MYO5C: variants seen among roughly 807,000 people sequenced by gnomAD.
MYO5C encodes unconventional myosin-Vc.
In MYO5C, 194 loss-of-function variants were observed where a neutral mutation model predicts 235.7. The ratio of observed to expected loss-of-function variants is 0.82; its 90% CI spans 0.73 to 0.93. MYO5C has a LOEUF of 0.93. Among genes scored for constraint, MYO5C ranks in the 40% least tolerant of loss-of-function variants. The probability of loss-of-function intolerance (pLI) is 0.00; values close to 1 mark genes in which losing one functional copy is unlikely to be tolerated. For synonymous variants in MYO5C, 707 were observed against 754.8 expected, an observed-to-expected ratio of 0.94 and a Z score of 1.04; for missense variants, 2,038 against 2,127.2, an observed-to-expected ratio of 0.96 and a Z score of 0.82.
At chr15:52,229,534 G>GAATC (rs1417918745) in intron 24 of MYO5C, among the ~76,000 whole-genome samples, 2 of 152,172 alleles carry the variant, frequency 1.3e-5, no homozygotes, top group Non-Finnish European at 2.9e-5. Flanking sequence ...TGAGGTGGAT[G>GAATC]AATCGCTTGA....
rs572276955 is a variant in MYO5C, at chr15:52,274,284, T to A, written c.606+1278A>T. ...CATTTAACTTGGCACTGGCTCTTGA[T>A]AACTTTTATTTTGAGATGGGGTCCT... On this transcript the variant is annotated intron_variant, in intron 5 of 40. Coordinates refer to ENST00000261839, the MANE Select transcript of MYO5C (RefSeq NM_018728.4). 4.6e-5 allele frequency among the ~76,000 whole-genome samples: 7 copies of A among 152,294 alleles called. No individual in the cohort carries two copies. The South Asian group carries it at 1.5e-3, about 32-fold the overall frequency.
chr15:52,274,451 G>GT (rs2036993467), intron 5 of MYO5C, among the ~76,000 whole-genome samples: 1 of 152,006 alleles, frequency 6.6e-6, no homozygotes, highest in African/African-American at 2.4e-5. Context: ...CTAATTTTTT[G>GT]TATTTTTGGT....
chr15:52,232,925 A>G (rs2035998469), intron 23 of MYO5C, among the ~76,000 whole-genome samples: 1 of 152,188 alleles, frequency 6.6e-6, no homozygotes, highest in Admixed American at 6.5e-5. Flanking sequence ...CATTTATAGT[A>G]CTTTTGTTGG....
At chr15:52,212,097 G>A (rs867352959) in intron 34 of MYO5C, among the ~76,000 whole-genome samples, 3 of 152,144 alleles carry the variant, frequency 2.0e-5, no homozygotes, top group Admixed American at 1.3e-4. Flanking sequence ...GTTTACAAAG[G>A]ACTTTCTCTT....
At position 52,239,840 on chromosome 15, in the gene MYO5C, C is replaced by A. The variant is rs752050590; in HGVS notation, c.2596G>T (p.Ala866Ser). ...CTGCGTCTGGCCAGCCACGCCCGTGCGTATTTCTGTAGGATCACAGCCTTA... is the reference window on the plus strand; with the variant it reads ...CTGCGTCTGGCCAGCCACGCCCGTGAGTATTTCTGTAGGATCACAGCCTTA... ...EHKAVILQKY[A>S]RAWLARRRFQ... Residue 866 changes from alanine to serine, a missense_variant, in exon 21 of 41, where the codon GCA becomes TCA. Ala to Ser is a moderately conservative substitution (Grantham distance 99, BLOSUM62 1). Transcript: ENST00000261839. 4.3e-6 allele frequency: 7 copies of A among 1,613,620 alleles called. No individual in the cohort carries two copies. The highest frequency in any genetic ancestry group is 8.5e-7 in the Non-Finnish European group (1 of 1,179,742).
Position 52,245,985 on chromosome 15 carries a change from A to C in MYO5C, c.2037T>G (p.Ile679Met). 1 of 1,614,238 alleles carries C rather than the reference A, an allele frequency of 6.2e-7. No individual in the cohort carries two copies. Among genetic ancestry groups the C allele is most frequent in the Non-Finnish European group, 8.5e-7 (1 of 1,180,036 alleles). Residue 679 changes from isoleucine (I) to methionine (M), a missense_variant, in exon 17 of 41, where the codon ATT becomes ATG. Physicochemically the swap from Ile to Met is conservative, Grantham distance 10. Transcript: ENST00000261839. ...AAGGGTAGCTCTGTGCACTAATGCG[A>C]ATCGTTTCTAAAACGCCGCAGGCTC... ...QLRACGVLET[I>M]RISAQSYPSR...
intron 10 of MYO5C, among the ~76,000 whole-genome samples, chr15:52,257,451 G>C (rs1433317515): frequency 6.6e-6 from 1 of 152,208 alleles, no homozygotes; most frequent in African/African-American, 2.4e-5. Flanking sequence ...ATGCGGCCCA[G>C]GATGTTAGAT....
In MYO5C at chr15:52,196,311, G is replaced by A; in HGVS notation, c.4993C>T (p.Gln1665Ter). The stretch of plus-strand genomic sequence containing the variant: ...AGACACTAAGCAAGCCTGGTCACCT[G>A]CACAGCAGACAGTGAGGTGCAGCGT... ...YERCTSLSAV[Q>*]IIKILNSYTP... Residue 1665 changes from glutamine (Q) to a stop codon, truncating the protein, a stop_gained and splice_region_variant, in exon 39 of 41, where the codon CAG becomes TAG. Transcript: ENST00000261839. LOFTEE classifies it high-confidence loss of function. 1 of 1,606,188 alleles carries A rather than the reference G, an allele frequency of 6.2e-7. No homozygotes were observed.
intron 21 of MYO5C, among the ~76,000 whole-genome samples, chr15:52,239,404 A>G (rs2036162968): frequency 6.6e-6 from 1 of 152,228 alleles, no homozygotes; most frequent in Non-Finnish European, 1.5e-5. Context: ...TGGCATGCGG[A>G]CAGCATCTTT....
At chr15:52,276,987 G>C in intron 4 of MYO5C, 1 of 410,238 alleles carries the variant, frequency 2.4e-6, no homozygotes, top group Admixed American at 3.6e-5. Context: ...GTGACTCAGG[G>C]GTGGAGTGAC....
chr15:52,268,369 CT>C (rs897352674), intron 8 of MYO5C, among the ~76,000 whole-genome samples: 5 of 152,156 alleles, frequency 3.3e-5, no homozygotes, highest in African/African-American at 9.7e-5. Context: ...TTGAGACCAT[CT>C]TGGCCAACAC....
At chr15:52,251,573 A>G (rs996342428) in intron 12 of MYO5C, 58 bp from the exon 13 acceptor site, 3 of 1,447,324 alleles carry the variant, frequency 2.1e-6, no homozygotes, top group Non-Finnish European at 2.8e-6. Context: ...CATACAGGTG[A>G]GGAAAAGCAC....
intron 8 of MYO5C, among the ~76,000 whole-genome samples, chr15:52,267,862 G>A (rs975339742): frequency 6.6e-6 from 1 of 152,118 alleles, no homozygotes. Flanking sequence ...AGGGTGGGCA[G>A]GGCAGGGCAT....
intron 8 of MYO5C, chr15:52,265,171 A>G (rs757461697): frequency 6.6e-6 from 1 of 152,270 alleles, no homozygotes; most frequent in Non-Finnish European, 1.5e-5. Context: ...TAGAATATAA[A>G]TTATGACTAC....
At chr15:52,282,755 G>A (rs371642353) in intron 2 of MYO5C, 27 bp downstream of exon 2, 11 of 1,479,034 alleles carry the variant, frequency 7.4e-6, no homozygotes, top group African/African-American at 5.5e-5. Context: ...ACACATCGAC[G>A]TAGCTGTGAA....
At chr15:52,251,575 G>GA (rs1269793029) in intron 12 of MYO5C, 60 bp from the exon 13 acceptor site, 1 of 1,415,904 alleles carries the variant, frequency 7.1e-7, no homozygotes. Flanking sequence ...TACAGGTGAG[G>GA]AAAAGCACTA....
At chr15:52,258,601 A>C (rs1261363505) in intron 10 of MYO5C, among the ~76,000 whole-genome samples, 1 of 152,202 alleles carries the variant, frequency 6.6e-6, no homozygotes, top group Non-Finnish European at 1.5e-5. Flanking sequence ...GAGCTTTCTC[A>C]AAAGTTGCAG....
In MYO5C at chr15:52,269,957, T is replaced by C; in HGVS notation, c.833-97A>G. 7.1e-6 allele frequency: 6 copies of C among 844,238 alleles called. No individual in the cohort carries two copies. In the East Asian group the frequency reaches 9.7e-5, roughly 14 times the overall value. The allele number at this position is 844,238 out of a possible 1,614,324, so 52.3% of individuals were successfully genotyped here. On this transcript the variant is annotated intron_variant, in intron 7 of 40. Transcript: ENST00000261839. Reference sequence around the variant, plus strand: ...GGAAGTTCATACTCAAAGAACTGTGTCATGCACTTTACACAGTTTATTCCA... The same window carrying C: ...GGAAGTTCATACTCAAAGAACTGTGCCATGCACTTTACACAGTTTATTCCA...
At chr15:52,284,301 G>A (rs1722329062) in intron 1 of MYO5C, among the ~76,000 whole-genome samples, 1 of 152,132 alleles carries the variant, frequency 6.6e-6, no homozygotes, top group Admixed American at 6.5e-5. Flanking sequence ...AAGCATGGGT[G>A]AGTCACCAAA....
Sources: allele counts gnomAD v4.1 joint callset (sites outside exome capture counted in the v4.1 genomes callset), GRCh38; gene constraint gnomAD v4.1.1; transcripts MANE v1.5; gene names NCBI Gene and HGNC (gene_info 2026-07-23, HGNC 2026-07-21).